The following SMYD3 variants were observed in gnomAD, a reference collection of about 807,000 sequenced individuals.
The protein encoded by SMYD3 is histone-lysine N-methyltransferase SMYD3.
A neutral mutation model predicts 57.7 loss-of-function variants in SMYD3; 36 were observed. The observed-to-expected ratio is 0.62, with a 90% CI of 0.48 to 0.82. The LOEUF is 0.82. SMYD3 is among the 40% of genes least tolerant of loss of function. SMYD3 has a pLI of 0.00. For synonymous variants in SMYD3, 211 were observed against 195.0 expected, an observed-to-expected ratio of 1.08 and a Z score of -0.68; for missense variants, 515 against 538.8, an observed-to-expected ratio of 0.96 and a Z score of 0.44.
intron 5 of SMYD3, among the ~76,000 whole-genome samples, chr1:246,271,057 G>A (rs561708324): frequency 8.9e-4 from 136 of 152,190 alleles, no homozygotes; most frequent in African/African-American, 3.0e-3. Context: ...TTGCATTTCC[G>A]TCATGATTAG....
intron 10 of SMYD3, among the ~76,000 whole-genome samples, chr1:245,798,655 G>A (rs1050261458): frequency 6.6e-6 from 1 of 152,044 alleles, no homozygotes; most frequent in African/African-American, 2.4e-5. Context: ...ACTGGACGAG[G>A]CTGAACAGGA....
At chr1:246,067,093 T>C (rs1376423418) in intron 5 of SMYD3, among the ~76,000 whole-genome samples, 2 of 152,208 alleles carry the variant, frequency 1.3e-5, no homozygotes, top group Non-Finnish European at 2.9e-5. Flanking sequence ...GTACCACCAT[T>C]TGATGACAAT....
chr1:246,489,904 A>G (rs533284440), intron 1 of SMYD3, among the ~76,000 whole-genome samples: 11 of 152,036 alleles, frequency 7.2e-5, no homozygotes, highest in African/African-American at 2.4e-4. Context: ...CACAGCTCAT[A>G]GCAGCCTCAA....
chr1:246,001,121 T>C (rs2059034257), intron 5 of SMYD3, among the ~76,000 whole-genome samples: 1 of 152,190 alleles, frequency 6.6e-6, no homozygotes, highest in Non-Finnish European at 1.5e-5. Flanking sequence ...AATGATACTC[T>C]AAGGCCAACA....
intron 5 of SMYD3, among the ~76,000 whole-genome samples, chr1:246,220,955 C>A (rs2148421419): frequency 6.6e-6 from 1 of 151,684 alleles, no homozygotes; most frequent in South Asian, 2.1e-4. Flanking sequence ...AGGGGAGCAA[C>A]CCACTCTGGG....
At chr1:246,428,125 G>A (rs2067247577) in intron 1 of SMYD3, among the ~76,000 whole-genome samples, 1 of 152,198 alleles carries the variant, frequency 6.6e-6, no homozygotes, top group South Asian at 2.1e-4. Context: ...AAGGGGGAAG[G>A]AAGGTAGTTC....
At chr1:246,258,263 C>G (rs976758907) in intron 5 of SMYD3, among the ~76,000 whole-genome samples, 1 of 152,076 alleles carries the variant, frequency 6.6e-6, no homozygotes, top group African/African-American at 2.4e-5. Flanking sequence ...TCTCAAACTC[C>G]TGACCTCGTG....
At chr1:246,506,978 G>GCCCCCCC in intron 1 of SMYD3, 76 bp downstream of exon 1, 9 of 1,174,514 alleles carry the variant, frequency 7.7e-6, no homozygotes, top group East Asian at 3.5e-5. Context: ...CGCGGCTGCC[G>GCCCCCCC]GCCGCCCGAC....
rs188433457 is a variant in SMYD3, at chr1:245,897,285, G to A, written c.813+18245C>T. Among the ~76,000 whole-genome samples, 386 of 152,336 alleles carry A rather than the reference G, an allele frequency of 2.5e-3. 2 individuals are homozygous for A. The highest frequency in any genetic ancestry group is 8.9e-3 in the African/African-American group (368 of 41,574). ...TAAAAACACGGACAAAATGCCAGAA[G>A]CTAAAATGGGTTCTCTCTGAGGAGT... On this transcript the variant is annotated intron_variant, in intron 8 of 11. Transcript: ENST00000490107.
rs976217995 is a variant in SMYD3 at position 245,817,013 on chromosome 1, A to G, written c.1076+41483T>C. On this transcript the variant is annotated intron_variant, in intron 10 of 11. Transcript: ENST00000490107. ...CCAGGCTTGCTTAGGTAAACAAAGC[A>G]GCCGGGAAGCTCGAACTGGGTGGAG... is the stretch of plus-strand genomic sequence containing the variant. Among the ~76,000 whole-genome samples, 300 of 151,692 alleles carry G rather than the reference A, an allele frequency of 2.0e-3. 1 individual carries two copies. The highest frequency in any genetic ancestry group is 3.7e-3 in the Non-Finnish European group (250 of 67,820).
chr1:245,859,977 T>C (rs1247526406), intron 9 of SMYD3, among the ~76,000 whole-genome samples: 2 of 152,234 alleles, frequency 1.3e-5, no homozygotes, highest in African/African-American at 2.4e-5. Flanking sequence ...TGTCCTCTCA[T>C]GAGCCAGGGA....
chr1:246,145,727 T>C (rs144088774), intron 5 of SMYD3, among the ~76,000 whole-genome samples: 1 of 152,286 alleles, frequency 6.6e-6, no homozygotes, highest in African/African-American at 2.4e-5. Context: ...ACAGCATTCA[T>C]CTCACAGACA....
chr1:245,898,680 G>A (rs2053989052), intron 8 of SMYD3, among the ~76,000 whole-genome samples: 1 of 152,188 alleles, frequency 6.6e-6, no homozygotes, highest in Non-Finnish European at 1.5e-5. Context: ...ACAGAGCTTT[G>A]ATAGACTGAT....
intron 5 of SMYD3, among the ~76,000 whole-genome samples, chr1:246,062,375 C>T (rs2148357083): frequency 6.6e-6 from 1 of 152,290 alleles, no homozygotes; most frequent in East Asian, 1.9e-4. Flanking sequence ...GAATTTAGAG[C>T]ACCTCTCCAC....
chr1:245,863,085 T>C (rs149313535), intron 9 of SMYD3, among the ~76,000 whole-genome samples: 1 of 152,244 alleles, frequency 6.6e-6, no homozygotes, highest in African/African-American at 2.4e-5. Flanking sequence ...AGCCTCTGAA[T>C]GACCTTTTGC....
chr1:246,407,353 G>A (rs983367319), intron 1 of SMYD3, among the ~76,000 whole-genome samples: 4 of 152,164 alleles, frequency 2.6e-5, no homozygotes, highest in African/African-American at 9.7e-5. Context: ...TTCATCATCT[G>A]AGACTATAAG....
intron 1 of SMYD3, among the ~76,000 whole-genome samples, chr1:246,462,985 A>G (rs1489761693): frequency 2.0e-5 from 3 of 152,160 alleles, no homozygotes; most frequent in Non-Finnish European, 4.4e-5. Flanking sequence ...GTAGGCATGG[A>G]AAGGAGAATG....
chr1:246,229,115 G>A (rs12136871), intron 5 of SMYD3, among the ~76,000 whole-genome samples: 31,411 of 151,820 alleles, frequency 0.21, 3,922 homozygotes, highest in East Asian at 0.58. Flanking sequence ...TGTTCAATTA[G>A]TTCTTCATTT....
chr1:246,327,326 G>A lies in SMYD3; in HGVS notation c.406C>T (p.Leu136=), dbSNP rs1372754088. Residue 136 remains leucine, a synonymous_variant, in exon 5 of 12, where the codon CTG becomes TTG. Transcript: ENST00000490107. ...AGGCCCTCTTTCTTATCTTCAGTCA[G>A]TTTGTTAATATCTTTTTTAAAGAGA... ...FYDLESNINK[L]TEDKKEGLRQ... 4 of 1,610,894 alleles carry A rather than the reference G, an allele frequency of 2.5e-6. No homozygotes were observed. Among genetic ancestry groups the A allele is most frequent in the Non-Finnish European group, 3.4e-6 (4 of 1,179,018 alleles).
Sources: allele counts gnomAD v4.1 joint callset (sites outside exome capture counted in the v4.1 genomes callset), GRCh38; gene constraint gnomAD v4.1.1; transcripts MANE v1.5; gene names NCBI Gene and HGNC (gene_info 2026-07-23, HGNC 2026-07-21).